COL25A1: variants seen among roughly 807,000 people sequenced by gnomAD.
COL25A1 encodes collagen alpha-1(XXV) chain.
COL25A1 carries 103 observed loss-of-function variants against 128.4 expected under a neutral mutation model. The ratio of observed to expected loss-of-function variants is 0.80; its 90% CI spans 0.68 to 0.94. COL25A1 has a LOEUF of 0.94. COL25A1 is among the 40% of genes least tolerant of loss of function. The probability of loss-of-function intolerance (pLI) is 0.00; values close to 1 mark genes in which losing one functional copy is unlikely to be tolerated. For synonymous variants in COL25A1, 279 were observed against 277.2 expected, an observed-to-expected ratio of 1.01 and a Z score of -0.06; for missense variants, 745 against 840.0, an observed-to-expected ratio of 0.89 and a Z score of 1.40.
intron 3 of COL25A1, among the ~76,000 whole-genome samples, chr4:109,221,076 A>G (rs1778375086): frequency 6.6e-6 from 1 of 152,090 alleles, no homozygotes; most frequent in South Asian, 2.1e-4. Context: ...CATATTATTT[A>G]GTACTTAATA....
At chr4:108,816,259 G>C (rs1185347234) in intron 37 of COL25A1, among the ~76,000 whole-genome samples, 1 of 152,136 alleles carries the variant, frequency 6.6e-6, no homozygotes, top group African/African-American at 2.4e-5. Context: ...TTAAGAAAGA[G>C]AGTGAGTTAT....
chr4:109,144,015 C>T (rs1298703856), intron 3 of COL25A1, among the ~76,000 whole-genome samples: 1 of 152,164 alleles, frequency 6.6e-6, no homozygotes, highest in African/African-American at 2.4e-5. Flanking sequence ...CTGATTTTTC[C>T]TCATCTTCGT....
At chr4:108,861,978 A>G (rs1216129343) in intron 22 of COL25A1, among the ~76,000 whole-genome samples, 1 of 152,198 alleles carries the variant, frequency 6.6e-6, no homozygotes, top group Non-Finnish European at 1.5e-5. Context: ...TTCATCTTGC[A>G]CACATTTTTT....
At chr4:108,882,650 G>A (rs1428369473) in intron 19 of COL25A1, among the ~76,000 whole-genome samples, 1 of 152,092 alleles carries the variant, frequency 6.6e-6, no homozygotes, top group African/African-American at 2.4e-5. Context: ...CTATTAATTT[G>A]TGAAGTTATT....
chr4:109,160,967 T>C (rs1254831491), intron 3 of COL25A1, among the ~76,000 whole-genome samples: 1 of 152,180 alleles, frequency 6.6e-6, no homozygotes, highest in Non-Finnish European at 1.5e-5. Flanking sequence ...ATAATCCATA[T>C]ATGAAATATT....
chr4:109,081,950 CG>C lies in COL25A1; in HGVS notation c.368-31772del, dbSNP rs538899669. Among the ~76,000 whole-genome samples, 154 of 152,228 alleles carry C rather than the reference CG, an allele frequency of 1.0e-3. 1 individual carries two copies. The highest frequency in any genetic ancestry group is 3.5e-3 in the African/African-American group (147 of 41,542). On this transcript the variant is annotated intron_variant, in intron 3 of 37. Transcript: ENST00000399132. ...AACTCCTGACCTTAGGTAATCCGCC[CG>C]CCTCAGCATCCCAAAAGTGCTGGGA...
At chr4:109,091,587 T>C (rs1006137182) in intron 3 of COL25A1, among the ~76,000 whole-genome samples, 2 of 152,216 alleles carry the variant, frequency 1.3e-5, no homozygotes, top group African/African-American at 2.4e-5. Context: ...TAGTTCACCA[T>C]GCACAGCAAT....
intron 13 of COL25A1, among the ~76,000 whole-genome samples, chr4:108,910,056 GA>G (rs1744024649): frequency 6.6e-6 from 1 of 152,116 alleles, no homozygotes; most frequent in South Asian, 2.1e-4. Context: ...CTGACTTAAG[GA>G]AATACCTTTA....
intron 5 of COL25A1, among the ~76,000 whole-genome samples, chr4:109,018,023 C>T (rs774822858): frequency 6.6e-6 from 1 of 151,954 alleles, no homozygotes; most frequent in East Asian, 1.9e-4. Flanking sequence ...CAAGTTCACA[C>T]ACTGAGATGT....
intron 3 of COL25A1, among the ~76,000 whole-genome samples, chr4:109,114,892 T>C (rs1266285751): frequency 6.6e-6 from 1 of 152,022 alleles, no homozygotes; most frequent in Non-Finnish European, 1.5e-5. Flanking sequence ...ATTTAAGGCA[T>C]AAGAAAATTA....
intron 3 of COL25A1, among the ~76,000 whole-genome samples, chr4:109,113,325 C>G (rs1257788236): frequency 1.3e-5 from 2 of 152,002 alleles, no homozygotes; most frequent in African/African-American, 4.8e-5. Flanking sequence ...TGCAGAGCTG[C>G]AATATCACAT....
At chr4:108,954,371 T>A (rs1352878719) in intron 8 of COL25A1, among the ~76,000 whole-genome samples, 2 of 152,154 alleles carry the variant, frequency 1.3e-5, no homozygotes. Flanking sequence ...AAATAGTGTA[T>A]CACATGCTAT....
chr4:108,823,982 T>C (rs1732072733), intron 35 of COL25A1, 192 bp downstream of exon 35: 13 of 1,526,226 alleles, frequency 8.5e-6, no homozygotes, highest in South Asian at 1.3e-5. Flanking sequence ...TGCCAGGCAG[T>C]GCCCTTATAT....
intron 3 of COL25A1, among the ~76,000 whole-genome samples, chr4:109,082,319 G>C (rs1021182462): frequency 1.3e-5 from 2 of 152,168 alleles, no homozygotes; most frequent in Admixed American, 6.5e-5. Flanking sequence ...CTTAGGTATA[G>C]ACTAAAGTGG....
chr4:108,841,211 C>A (rs745364603), intron 31 of COL25A1, among the ~76,000 whole-genome samples: 1 of 152,140 alleles, frequency 6.6e-6, no homozygotes, highest in South Asian at 2.1e-4. Flanking sequence ...CCCAGTATAG[C>A]ACACCTGAAA....
At chr4:109,232,135 G>A (rs1169232480) in intron 3 of COL25A1, among the ~76,000 whole-genome samples, 3 of 152,086 alleles carry the variant, frequency 2.0e-5, no homozygotes, top group African/African-American at 7.2e-5. Context: ...GATGGGAAGA[G>A]AAAAATGTAC....
intron 5 of COL25A1, among the ~76,000 whole-genome samples, chr4:109,030,617 G>C (rs574244542): frequency 6.6e-6 from 1 of 152,216 alleles, no homozygotes; most frequent in Non-Finnish European, 1.5e-5. Flanking sequence ...AGACTCTCTG[G>C]TCTGTATGGG....
At chr4:109,166,772 C>T (rs1773113059) in intron 3 of COL25A1, among the ~76,000 whole-genome samples, 1 of 152,196 alleles carries the variant, frequency 6.6e-6, no homozygotes, top group African/African-American at 2.4e-5. Context: ...CCAAATAATG[C>T]ATTCATTGAG....
At chr4:108,956,842 T>C (rs1186968676) in intron 8 of COL25A1, among the ~76,000 whole-genome samples, 3 of 152,226 alleles carry the variant, frequency 2.0e-5, no homozygotes, top group Non-Finnish European at 4.4e-5. Flanking sequence ...GTAATGTTTG[T>C]TGGATTGCAG....
Sources: gnomAD v4.1 joint callset for allele counts (sites outside exome capture counted in the v4.1 genomes callset) on GRCh38, gnomAD v4.1.1 for gene constraint, MANE v1.5 for transcripts, NCBI Gene and HGNC (gene_info 2026-07-23, HGNC 2026-07-21) for gene names.